TRIO: variants seen among roughly 807,000 people sequenced by gnomAD.
The protein encoded by TRIO is trio Rho guanine nucleotide exchange factor, also known as triple functional domain protein.
A neutral mutation model predicts 351.9 loss-of-function variants in TRIO; 58 were observed. The observed-to-expected ratio is 0.16, with a 90% CI of 0.13 to 0.21. The LOEUF (loss-of-function observed/expected upper bound fraction) is 0.21. Among genes scored for constraint, TRIO ranks in the 10% least tolerant of loss-of-function variants. The probability of loss-of-function intolerance (pLI) is 1.00; values close to 1 mark genes in which losing one functional copy is unlikely to be tolerated. For synonymous variants in TRIO, 1,758 were observed against 1,595.7 expected, an observed-to-expected ratio of 1.10 and a Z score of -2.42; for missense variants, 3,201 against 4,027.8, an observed-to-expected ratio of 0.79 and a Z score of 5.56.
chr5:14,337,534 T>C (rs548644872), intron 11 of TRIO, among the ~76,000 whole-genome samples: 1 of 152,188 alleles, frequency 6.6e-6, no homozygotes, highest in East Asian at 1.9e-4. Context: ...TGAGGGGCCC[T>C]TCTGGGTAAC....
chr5:14,351,837 G>T (rs181927), intron 11 of TRIO, among the ~76,000 whole-genome samples: 58,035 of 152,002 alleles, frequency 0.38, 12,609 homozygotes, highest in East Asian at 0.56. Flanking sequence ...GTTGCAGCTG[G>T]AACAATTCCC....
intron 49 of TRIO, among the ~76,000 whole-genome samples, chr5:14,495,754 G>A (rs1409568366): frequency 6.6e-6 from 1 of 151,274 alleles, no homozygotes; most frequent in African/African-American, 2.4e-5. Context: ...GGATCACGAG[G>A]TCAAGAGATC....
At chr5:14,300,611 A>G (rs979915435) in intron 7 of TRIO, among the ~76,000 whole-genome samples, 5 of 152,318 alleles carry the variant, frequency 3.3e-5, no homozygotes, top group South Asian at 2.1e-4. Context: ...CAGTGTTTGT[A>G]TAGTTCTTTA....
In TRIO at chr5:14,419,629, C is replaced by T. The variant is rs79859510; in HGVS notation, c.4960-149C>T. The stretch of plus-strand genomic sequence containing the variant: ...TCTTATGAAAAATCATATTTTCATA[C>T]GGAGAGTGCAGTGATCACACAACCT... On this transcript the variant is annotated intron_variant, in intron 33 of 56. Transcript: ENST00000344204. 2,760 of 986,534 alleles carry T rather than the reference C, an allele frequency of 2.8e-3. 41 individuals are homozygous for T. In the African/African-American group the frequency reaches 0.04, roughly 14 times the overall value. The allele number at this position is 986,534 out of a possible 1,614,324, so 61.1% of individuals were successfully genotyped here.
chr5:14,504,367 A>C (rs377193876), intron 54 of TRIO, 26 bp from the exon 55 acceptor site: 8 of 1,613,148 alleles, frequency 5.0e-6, no homozygotes, highest in Non-Finnish European at 6.8e-6. Context: ...AGCCTCTGCA[A>C]ATGGTCCCCC....
chr5:14,300,306 CCCATTGTGATGGCCTGTCA>C (rs1429013769), intron 7 of TRIO, among the ~76,000 whole-genome samples: 1 of 152,192 alleles, frequency 6.6e-6, no homozygotes, highest in Non-Finnish European at 1.5e-5. Flanking sequence ...AGCTGCACTG[CCCATTGTGATGGCCTGTCA>C]CCATGTGTGG....
rs1421575079 is a variant in TRIO at position 14,497,987 on chromosome 5, G to A, written c.8048-102G>A. ...ATGAGTTTTCCGTGGCGCTCTAGGC[G>A]TGCATAGCAGGTTAGGTCCTATCAA... On this transcript the variant is annotated intron_variant, in intron 51 of 56. Transcript: ENST00000344204. This position sits in a 1 kb window ranked among gnomAD's most constrained non-coding sequence, Gnocchi z 4.4. 63 of 1,609,542 alleles carry A rather than the reference G, an allele frequency of 3.9e-5. No homozygotes were observed. The Admixed American group carries it at 8.8e-4, about 23-fold the overall frequency.
At chr5:14,202,768 T>C (rs1011718073) in intron 1 of TRIO, among the ~76,000 whole-genome samples, 2 of 150,328 alleles carry the variant, frequency 1.3e-5, no homozygotes, top group African/African-American at 2.5e-5. Flanking sequence ...GGGGCCTCAC[T>C]CTTCCGGCAG....
intron 34 of TRIO, among the ~76,000 whole-genome samples, chr5:14,423,803 G>A (rs998340910): frequency 4.6e-5 from 7 of 151,894 alleles, no homozygotes; most frequent in East Asian, 1.9e-4. Context: ...AGGGCCTTCC[G>A]TCACCCTCCC....
chr5:14,316,797 T>C, intron 9 of TRIO, 54 bp downstream of exon 9: 1 of 1,507,312 alleles, frequency 6.6e-7, no homozygotes, highest in Non-Finnish European at 9.1e-7. Context: ...TTGAGTAGAG[T>C]TTAAATACAT....
At chr5:14,276,509 A>G (rs2152273767) in intron 2 of TRIO, among the ~76,000 whole-genome samples, 1 of 152,306 alleles carries the variant, frequency 6.6e-6, no homozygotes, top group Non-Finnish European at 1.5e-5. Flanking sequence ...CACTTAATAG[A>G]CGTTAGCCAT....
At chr5:14,419,059 G>C (rs956126522) in intron 33 of TRIO, among the ~76,000 whole-genome samples, 1 of 152,094 alleles carries the variant, frequency 6.6e-6, no homozygotes, top group African/African-American at 2.4e-5. Context: ...GGTAAAAGGA[G>C]AGAAGGAGGG....
intron 34 of TRIO, among the ~76,000 whole-genome samples, chr5:14,443,312 G>A (rs909261777): frequency 2.0e-5 from 3 of 152,136 alleles, no homozygotes; most frequent in Non-Finnish European, 4.4e-5. Context: ...AAGAAAAAGC[G>A]AAATTCGTGC....
At chr5:14,255,019 T>C (rs1794951619) in intron 1 of TRIO, among the ~76,000 whole-genome samples, 1 of 152,180 alleles carries the variant, frequency 6.6e-6, no homozygotes, top group Admixed American at 6.5e-5. Flanking sequence ...ATCTAGTTTA[T>C]TGTTTTATTG....
chr5:14,498,137 G>A lies in TRIO; in HGVS notation c.8096G>A (p.Gly2699Glu). The change falls in exon 52 of 57, where the codon GGG (glycine) becomes GAG (glutamate). Residue 2699 changes from glycine (G) to glutamate (E), a missense_variant. Gly to Glu is a moderately conservative substitution (Grantham distance 98). Transcript: ENST00000344204. The part of the protein sequence containing the change: ...IPLSEVTCET[G>E]ETVVLRCRVC... ...TTGAGTGAGGTCACGTGTGAGACAG[G>A]GGAGACCGTTGTTCTTAGATGTCGA... 5.0e-6 allele frequency: 8 copies of A among 1,614,194 alleles called. No individual in the cohort carries two copies. The highest frequency in any genetic ancestry group is 6.8e-6 in the Non-Finnish European group (8 of 1,180,032).
At chr5:14,257,618 A>G (rs898180128) in intron 1 of TRIO, among the ~76,000 whole-genome samples, 6 of 152,104 alleles carry the variant, frequency 3.9e-5, no homozygotes, top group African/African-American at 1.4e-4. Flanking sequence ...GAGTGGCTTG[A>G]CTTTCCCATT....
intron 1 of TRIO, among the ~76,000 whole-genome samples, chr5:14,255,659 C>T (rs1031026877): frequency 6.6e-6 from 1 of 152,306 alleles, no homozygotes; most frequent in Admixed American, 6.5e-5. Flanking sequence ...AGACTCAAGA[C>T]CAAACACAGA....
Position 14,461,293 on chromosome 5 carries a change from G to T in TRIO, c.5478G>T (p.Gln1826His). 6.3e-7 allele frequency: 1 copy of T among 1,584,072 alleles called. No homozygotes were observed. The highest frequency in any genetic ancestry group is 8.6e-7 in the Non-Finnish European group (1 of 1,164,852). Residue 1826 changes from glutamine to histidine, a missense_variant, in exon 35 of 57, where the codon CAG becomes CAT. By Grantham distance (24) the Gln-to-His change is conservative (BLOSUM62 0). Coordinates refer to ENST00000344204, the MANE Select transcript of TRIO (RefSeq NM_007118.4). ...KDSDDSAATP[Q>H]DETVEERGRN... is the part of the protein sequence containing the mutation. ...CCGACGACAGTGCGGCCACCCCGCA[G>T]GACGAGACGGTCGAGGAGGTGAGGC... is the stretch of plus-strand genomic sequence containing the variant.
At chr5:14,361,438 A>G (rs1744145019) in intron 13 of TRIO, among the ~76,000 whole-genome samples, 1 of 152,174 alleles carries the variant, frequency 6.6e-6, no homozygotes, top group South Asian at 2.1e-4. Flanking sequence ...AGCTTCAGAT[A>G]TGGTTCAGAA....
Sources: gnomAD v4.1 joint callset for allele counts (sites outside exome capture counted in the v4.1 genomes callset) on GRCh38, gnomAD v4.1.1 for gene constraint, Gnocchi (gnomAD v3.1) non-coding constraint, MANE v1.5 for transcripts, NCBI Gene and HGNC (gene_info 2026-07-23, HGNC 2026-07-21) for gene names.